The following CLEC16A variants were observed in gnomAD, a reference collection of about 807,000 sequenced individuals.
CLEC16A encodes protein CLEC16A.
A neutral mutation model predicts 109.5 loss-of-function variants in CLEC16A; 51 were observed. The observed-to-expected ratio is 0.47, with a 90% CI of 0.37 to 0.59. The LOEUF (loss-of-function observed/expected upper bound fraction) is 0.59, where lower values mean the gene tolerates loss of function less well. CLEC16A is among the 20% of genes least tolerant of loss of function. CLEC16A has a pLI of 0.00. For synonymous variants in CLEC16A, 673 were observed against 564.2 expected (o/e 1.19, Z -2.73); for missense variants, 1,339 against 1,394.0 (o/e 0.96, Z 0.63).
At chr16:11,037,130 A>G (rs929250596) in intron 13 of CLEC16A, among the ~76,000 whole-genome samples, 1 of 152,194 alleles carries the variant, frequency 6.6e-6, no homozygotes, top group Non-Finnish European at 1.5e-5. Context: ...CCCCACCGCT[A>G]GGCTTCTCAT....
intron 19 of CLEC16A, among the ~76,000 whole-genome samples, chr16:11,111,694 C>T (rs925630942): frequency 2.0e-5 from 3 of 152,194 alleles, no homozygotes; most frequent in Non-Finnish European, 4.4e-5. Flanking sequence ...ACTAGTTTGT[C>T]GTAGAAACTC....
At chr16:11,166,313 C>T in intron 22 of CLEC16A, 75 bp from the exon 23 acceptor site, 1 of 1,469,516 alleles carries the variant, frequency 6.8e-7, no homozygotes, top group Non-Finnish European at 9.1e-7. Flanking sequence ...TTGGGTTGTT[C>T]AGTGGAACCA....
chr16:11,091,462 C>T (rs1373888795), intron 19 of CLEC16A, among the ~76,000 whole-genome samples: 1 of 152,182 alleles, frequency 6.6e-6, no homozygotes. Flanking sequence ...GGGCTGTGTG[C>T]CCTGGCAGCC....
intron 19 of CLEC16A, among the ~76,000 whole-genome samples, chr16:11,112,579 C>T (rs540334684): frequency 4.6e-5 from 7 of 151,678 alleles, no homozygotes; most frequent in South Asian, 2.1e-4. Flanking sequence ...GCAGGAGGAT[C>T]GCTTGGGTGC....
chr16:11,138,367 A>G (rs1280990148), intron 22 of CLEC16A, among the ~76,000 whole-genome samples: 2 of 152,364 alleles, frequency 1.3e-5, no homozygotes, highest in African/African-American at 4.8e-5. Context: ...AGGGCCCGAT[A>G]GCAAAGCGCT....
intron 11 of CLEC16A, among the ~76,000 whole-genome samples, chr16:11,007,470 C>G (rs1397752385): frequency 6.6e-6 from 1 of 152,228 alleles, no homozygotes; most frequent in East Asian, 1.9e-4. Flanking sequence ...TGAATCCCAG[C>G]TCTGCCCCTG....
chr16:11,118,504 G>C (rs974079662), intron 19 of CLEC16A, among the ~76,000 whole-genome samples: 1 of 152,156 alleles, frequency 6.6e-6, no homozygotes, highest in African/African-American at 2.4e-5. Flanking sequence ...TTGAGGGCTT[G>C]GTGATTCTGT....
chr16:10,998,501 G>A lies in CLEC16A; in HGVS notation c.1072-4573G>A, dbSNP rs184944146. ...TACTTTTCCCTGGGGCATGTGTTGT[G>A]TACTTTCTTTATGAGAAAATCAACC... On this transcript the variant is annotated intron_variant, in intron 10 of 23. Transcript: ENST00000409790. 1.3e-4 allele frequency among the ~76,000 whole-genome samples: 20 copies of A among 152,312 alleles called. No homozygotes were observed. The Middle Eastern group carries it at 0.014, about 104-fold the overall frequency.
intron 10 of CLEC16A, among the ~76,000 whole-genome samples, chr16:10,996,165 C>T (rs937128562): frequency 5.3e-5 from 8 of 152,240 alleles, no homozygotes; most frequent in African/African-American, 1.9e-4. Flanking sequence ...GAGAAACCCA[C>T]TCAACACGTT....
intron 19 of CLEC16A, among the ~76,000 whole-genome samples, chr16:11,071,960 T>C (rs1488461824): frequency 2.6e-5 from 4 of 151,898 alleles, no homozygotes; most frequent in African/African-American, 9.7e-5. Flanking sequence ...TCTTAGGAAG[T>C]ATGGGCTGAA....
At chr16:11,120,548 T>C (rs1382321435) in intron 19 of CLEC16A, 67 bp from the exon 20 acceptor site, 1 of 1,497,758 alleles carries the variant, frequency 6.7e-7, no homozygotes, top group African/African-American at 1.4e-5. Flanking sequence ...GAGAGTCAGC[T>C]TTGGTGTCTC....
intron 21 of CLEC16A, among the ~76,000 whole-genome samples, chr16:11,124,435 G>A (rs2052652542): frequency 6.6e-6 from 1 of 152,138 alleles, no homozygotes; most frequent in Non-Finnish European, 1.5e-5. Context: ...CCCCTTCCCA[G>A]TTCTTATAAG....
intron 12 of CLEC16A, chr16:11,024,368 C>T (rs1383805951): frequency 6.4e-6 from 1 of 156,252 alleles, no homozygotes; most frequent in African/African-American, 2.4e-5. Flanking sequence ...TGAACCCAGA[C>T]AGTCTGGCAC....
intron 23 of CLEC16A, among the ~76,000 whole-genome samples, chr16:11,175,876 A>G (rs765883896): frequency 3.9e-5 from 6 of 152,252 alleles, no homozygotes; most frequent in Non-Finnish European, 7.3e-5. Context: ...TTCTTTGAAT[A>G]TCTGCATGCA....
At chr16:11,170,522 C>A (rs1272931143) in intron 23 of CLEC16A, among the ~76,000 whole-genome samples, 1 of 152,326 alleles carries the variant, frequency 6.6e-6, no homozygotes, top group East Asian at 1.9e-4. Flanking sequence ...GTGGGGACCT[C>A]AGCCTGGCTC....
At chr16:11,041,563 C>G (rs1395150539) in intron 14 of CLEC16A, 1 of 152,218 alleles carries the variant, frequency 6.6e-6, no homozygotes, top group East Asian at 1.9e-4. Context: ...ACGGGAGACA[C>G]TTAGATTTGA....
chr16:11,115,571 C>A (rs188147995), intron 19 of CLEC16A, among the ~76,000 whole-genome samples: 1 of 152,098 alleles, frequency 6.6e-6, no homozygotes, highest in Non-Finnish European at 1.5e-5. Context: ...TGAGGTTTTG[C>A]CATGTTGCAC....
chr16:11,157,136 C>T, intron 22 of CLEC16A: 1 of 1,282,562 alleles, frequency 7.8e-7, no homozygotes, highest in South Asian at 1.3e-5. Flanking sequence ...GAGCTATAGG[C>T]TAAAAGACTC....
At chr16:11,101,640 C>T (rs2050921957) in intron 19 of CLEC16A, among the ~76,000 whole-genome samples, 2 of 152,190 alleles carry the variant, frequency 1.3e-5, no homozygotes, top group African/African-American at 4.8e-5. Context: ...TGTGCCTGGC[C>T]ATGAGCAGTG....
Sources: gnomAD v4.1 joint callset for allele counts (sites outside exome capture counted in the v4.1 genomes callset) on GRCh38, gnomAD v4.1.1 for gene constraint, MANE v1.5 for transcripts, NCBI Gene and HGNC (gene_info 2026-07-23, HGNC 2026-07-21) for gene names.